Variants in HUWE1 observed in about 807,000 individuals in gnomAD.
HUWE1 encodes the protein HECT, UBA and WWE domain containing E3 ubiquitin protein ligase 1, also known as E3 ubiquitin-protein ligase HUWE1.
In HUWE1, 18 loss-of-function variants were observed where a neutral mutation model predicts 299.4. The observed-to-expected ratio is 0.06, with a 90% CI of 0.04 to 0.09. The LOEUF (loss-of-function observed/expected upper bound fraction) is 0.09. HUWE1 is among the 10% of genes least tolerant of loss of function. The pLI, the probability that HUWE1 is intolerant of heterozygous loss-of-function variation, is 1.00. For synonymous variants in HUWE1, 1,317 were observed against 1,286.1 expected, an observed-to-expected ratio of 1.02 and a Z score of -0.51; for missense variants, 1,832 against 3,462.3, an observed-to-expected ratio of 0.53 and a Z score of 11.82.
Position 53,589,567 on chromosome X carries a change from G to T in HUWE1, c.4441C>A (p.Leu1481Met), listed in dbSNP as rs2148411918. The T allele has an allele frequency of 2.5e-6, 3 of 1,211,256 alleles. No homozygotes were observed. The highest frequency in any genetic ancestry group is 3.4e-6 in the Non-Finnish European group (3 of 895,134). The change falls in exon 36 of 84, where the codon CTG becomes ATG. Residue 1481 changes from leucine to methionine, a missense_variant. By Grantham distance (15) the Leu-to-Met change is conservative. Transcript: ENST00000262854. ...CTCACCTGATTGACTACTTGCTTCA[G>T]AATCATGTCACGATAATCTGCTCCA... ...RNGADYRDMI[L>M]KQVVNQVWEA...
At chrX:53,602,777 C>T in intron 27 of HUWE1, 119 bp from the exon 28 acceptor site, 1 of 405,727 alleles carries the variant, frequency 2.5e-6, no homozygotes, top group Non-Finnish European at 4.3e-6. Context: ...CTATAGCAGG[C>T]AGGTTAAACT....
At chrX:53,592,734 C>T in intron 32 of HUWE1, 106 bp from the exon 33 acceptor site, 1 of 593,809 alleles carries the variant, frequency 1.7e-6, no homozygotes, top group East Asian at 3.6e-5. Flanking sequence ...CTAGTACCAG[C>T]AACAAAATAA....
At chrX:53,686,461 C>CCACCTCCG (rs1230181677) in intron 1 of HUWE1, 93 bp from the exon 2 acceptor site, 1 of 113,144 alleles carries the variant, frequency 8.8e-6, no homozygotes, top group Middle Eastern at 4.6e-3. Flanking sequence ...CCCAAGGCCG[C>CCACCTCCG]CACCTCCGCG....
intron 3 of HUWE1, among the ~76,000 whole-genome samples, chrX:53,655,593 G>C (rs183752549): frequency 1.9e-3 from 212 of 112,063 alleles, no homozygotes; most frequent in Admixed American, 3.9e-3. Context: ...AAGCCAACAG[G>C]ATTCTGGCAA....
At chrX:53,596,745 C>T (rs1355010909) in intron 29 of HUWE1, among the ~76,000 whole-genome samples, 7 of 112,472 alleles carry the variant, frequency 6.2e-5, no homozygotes, top group Middle Eastern at 4.6e-3. Context: ...ACCTGGGTCA[C>T]TCTATGACCC....
At chrX:53,534,241 C>A in intron 82 of HUWE1, 44 bp from the exon 83 acceptor site, 1 of 1,102,543 alleles carries the variant, frequency 9.1e-7, no homozygotes. Context: ...TAGAAAGCTC[C>A]TAGAAGCAGG....
At chrX:53,546,402 T>A (rs781970171) in intron 70 of HUWE1, 34 bp downstream of exon 70, 1 of 1,186,413 alleles carries the variant, frequency 8.4e-7, no homozygotes, top group East Asian at 3.0e-5. Context: ...GTGGAAACCT[T>A]CAGAAAGAGA....
intron 17 of HUWE1, chrX:53,625,896 G>A: frequency 3.0e-6 from 1 of 338,909 alleles, no homozygotes; most frequent in Non-Finnish European, 5.8e-6. Context: ...GCCGGTGCCG[G>A]GGCCGGGACT....
intron 3 of HUWE1, among the ~76,000 whole-genome samples, chrX:53,675,890 A>G (rs781950991): frequency 1.8e-5 from 2 of 111,723 alleles, no homozygotes; most frequent in African/African-American, 3.3e-5. Context: ...AGGAGGGGCC[A>G]GTATAGACGG....
intron 29 of HUWE1, among the ~76,000 whole-genome samples, chrX:53,595,738 A>G (rs991945707): frequency 2.7e-5 from 3 of 111,949 alleles, no homozygotes; most frequent in Non-Finnish European, 3.8e-5. Flanking sequence ...TGCCTACAGA[A>G]AACTTTTAAA....
At chrX:53,641,541 T>C (rs2067591904) in intron 7 of HUWE1, among the ~76,000 whole-genome samples, 1 of 111,882 alleles carries the variant, frequency 8.9e-6, no homozygotes, top group Admixed American at 9.5e-5. Context: ...GGGTAAACTC[T>C]AAAAAATTTA....
chrX:53,674,745 C>G (rs1361358153), intron 3 of HUWE1, among the ~76,000 whole-genome samples: 1 of 111,414 alleles, frequency 9.0e-6, no homozygotes. Context: ...TCTCCTTCCC[C>G]TAGACCACAC....
In HUWE1 at chrX:53,668,646, G is replaced by C. The variant is rs138739018; in HGVS notation, c.-25+11403C>G. Among the ~76,000 whole-genome samples the C allele has an allele frequency of 6.5e-3, 720 of 111,283 alleles. 6 individuals carry two copies. The highest frequency in any genetic ancestry group is 0.023 in the African/African-American group (697 of 30,648). ...GTAAAATAAACAAGTCTATCTCATA[G>C]GATTGTGCCCAGCAAAGAGTAAGCC... On this transcript the variant is annotated intron_variant, in intron 3 of 83. Coordinates refer to ENST00000262854, the MANE Select transcript of HUWE1 (RefSeq NM_031407.7).
At chrX:53,559,293 C>G in intron 57 of HUWE1, 61 bp downstream of exon 57, 1 of 1,139,562 alleles carries the variant, frequency 8.8e-7, no homozygotes, top group South Asian at 1.8e-5. Context: ...CTTGCTTTTC[C>G]TCAGCAGGGA....
At chrX:53,657,190 ACTT>A (rs782141492) in intron 3 of HUWE1, among the ~76,000 whole-genome samples, 14 of 112,588 alleles carry the variant, frequency 1.2e-4, no homozygotes, top group Non-Finnish European at 2.3e-4. Context: ...GGAATAGAGA[ACTT>A]CTTCAAATTG....
At chrX:53,542,824 T>TA (rs2061396816) in intron 73 of HUWE1, 1 of 336,629 alleles carries the variant, frequency 3.0e-6, no homozygotes, top group African/African-American at 2.7e-5. Flanking sequence ...CTCCTGTATA[T>TA]AGACTTCAAG....
At position 53,617,464 on chromosome X, in the gene HUWE1, A is replaced by G. The variant is rs782425135; in HGVS notation, c.1673-18T>C. 47 of 1,009,362 alleles carry G rather than the reference A, an allele frequency of 4.7e-5. No individual in the cohort carries two copies. Among genetic ancestry groups the G allele is most frequent in the Middle Eastern group, 3.2e-4 (1 of 3,120 alleles). 83.2% of individuals were successfully genotyped at this position (1,009,362 alleles called of 1,213,427 possible). A position where few individuals can be genotyped will look rare whatever the true frequency, so the allele number is the denominator to read the frequency against. On this transcript the variant is annotated intron_variant, in intron 19 of 83. Coordinates refer to ENST00000262854, the MANE Select transcript of HUWE1 (RefSeq NM_031407.7). Reference sequence around the variant, plus strand: ...TTCAGTAGCTAAAAAAAGATGAGAAAATATGGAAAACTGAGAGATTCCTCA... The same window carrying G: ...TTCAGTAGCTAAAAAAAGATGAGAAGATATGGAAAACTGAGAGATTCCTCA...
chrX:53,586,439 T>A, intron 39 of HUWE1, 51 bp downstream of exon 39: 3 of 816,477 alleles, frequency 3.7e-6, no homozygotes, highest in Non-Finnish European at 3.7e-6. Flanking sequence ...TGGTCTACTC[T>A]TGCCTCAGGA....
At position 53,594,625 on chromosome X, in the gene HUWE1, A is replaced by G. The variant is rs2064349977; in HGVS notation, c.3381-4T>C. On this transcript the variant is annotated splice_region_variant and splice_polypyrimidine_tract_variant and intron_variant, in intron 30 of 83. Transcript: ENST00000262854. Reference sequence around the variant, plus strand: ...TGAACAGATGAAGAATGTCAGCCTGAAAGTGGAAAAAAAGGCAAAACTTTA... The same window carrying G: ...TGAACAGATGAAGAATGTCAGCCTGGAAGTGGAAAAAAAGGCAAAACTTTA... The G allele has an allele frequency of 8.3e-7, 1 of 1,209,587 alleles. No homozygotes were observed. The highest frequency in any genetic ancestry group is 1.1e-6 in the Non-Finnish European group (1 of 894,023).
Sources: gnomAD v4.1 joint callset for allele counts (sites outside exome capture counted in the v4.1 genomes callset) on GRCh38, gnomAD v4.1.1 for gene constraint, MANE v1.5 for transcripts, NCBI Gene and HGNC (gene_info 2026-07-23, HGNC 2026-07-21) for gene names.